The following MMS22L variants were observed in gnomAD, a reference collection of about 807,000 sequenced individuals.
The protein encoded by MMS22L is protein MMS22-like.
In MMS22L, 74 loss-of-function variants were observed where a neutral mutation model predicts 159.1. The observed-to-expected ratio is 0.47, with a 90% CI of 0.39 to 0.56. The LOEUF (loss-of-function observed/expected upper bound fraction) is 0.56, where lower values mean the gene tolerates loss of function less well. Ranked by LOEUF, MMS22L falls within the 20% of genes least tolerant of loss-of-function variation. The pLI is 0.00. For synonymous variants in MMS22L, 517 were observed against 506.9 expected (o/e 1.02, Z -0.27); for missense variants, 1,351 against 1,422.1 (o/e 0.95, Z 0.80).
chr6:97,156,804 C>A (rs976271486), intron 22 of MMS22L, among the ~76,000 whole-genome samples: 4 of 151,826 alleles, frequency 2.6e-5, no homozygotes, highest in Admixed American at 2.6e-4. Flanking sequence ...GCTATGCACA[C>A]TTTTTTTTGG....
intron 10 of MMS22L, among the ~76,000 whole-genome samples, chr6:97,249,725 ATT>A (rs66525517): frequency 1.6e-4 from 21 of 130,366 alleles, no homozygotes; most frequent in East Asian, 2.2e-4. Context: ...CCAATAACCA[ATT>A]TTTTTTTTTT....
intron 14 of MMS22L, among the ~76,000 whole-genome samples, chr6:97,210,172 T>C (rs1808225097): frequency 6.6e-6 from 1 of 151,860 alleles, no homozygotes; most frequent in African/African-American, 2.4e-5. Context: ...CTTTTGCTTT[T>C]TCCTAAAAAT....
rs141515763 is a variant in MMS22L, at chr6:97,251,248, T to C, written c.1119+3309A>G. ...CGTAAGAGGCAATCCTTAGGAGAAA[T>C]CTAATATCAAGTTTATCTAAGAGAT... On this transcript the variant is annotated intron_variant, in intron 10 of 24. Transcript: ENST00000683635. 8.7e-3 allele frequency among the ~76,000 whole-genome samples: 1,326 copies of C among 152,296 alleles called. 14 individuals carry two copies. The highest frequency in any genetic ancestry group is 0.013 in the Non-Finnish European group (873 of 68,012).
At chr6:97,155,881 T>C (rs1801783482) in intron 22 of MMS22L, among the ~76,000 whole-genome samples, 1 of 152,208 alleles carries the variant, frequency 6.6e-6, no homozygotes, top group Non-Finnish European at 1.5e-5. Flanking sequence ...ATGGTATTTC[T>C]AGTTCTAGAT....
chr6:97,150,435 T>A (rs1801206097), intron 23 of MMS22L, among the ~76,000 whole-genome samples: 1 of 152,168 alleles, frequency 6.6e-6, no homozygotes, highest in Non-Finnish European at 1.5e-5. Context: ...ACAATATTTT[T>A]ATGAGGAAAG....
intron 14 of MMS22L, among the ~76,000 whole-genome samples, chr6:97,215,114 A>ATATATATT (rs1209431095): frequency 1.1e-5 from 1 of 87,190 alleles, no homozygotes; most frequent in African/African-American, 3.5e-5. Flanking sequence ...ATATATATAT[A>ATATATATT]TTTTTTTTTT....
intron 4 of MMS22L, among the ~76,000 whole-genome samples, chr6:97,274,923 GAGAA>G (rs1816109346): frequency 6.6e-6 from 1 of 152,100 alleles, no homozygotes; most frequent in Non-Finnish European, 1.5e-5. Flanking sequence ...GACTACGCAC[GAGAA>G]AGAATTCTCA....
In MMS22L at chr6:97,243,576, T is replaced by C. The variant is rs554125237; in HGVS notation, c.1182+3052A>G. 5.3e-5 allele frequency among the ~76,000 whole-genome samples: 8 copies of C among 152,320 alleles called. No homozygotes were observed. In the South Asian group the frequency reaches 1.4e-3, roughly 28 times the overall value. On this transcript the variant is annotated intron_variant, in intron 11 of 24. Coordinates refer to ENST00000683635, the MANE Select transcript of MMS22L (RefSeq NM_001350599.2). ...TAAGAATCGACCTTTAGAACTCTTT[T>C]TCTAGTAATTCAGAGATTTCTTCTT...
At chr6:97,198,121 G>A (rs1020190124) in intron 14 of MMS22L, among the ~76,000 whole-genome samples, 33 of 152,088 alleles carry the variant, frequency 2.2e-4, no homozygotes, top group African/African-American at 7.7e-4. Flanking sequence ...TGTTTGCTGG[G>A]AATACTCACT....
chr6:97,282,968 A>G (rs1816907185), intron 1 of MMS22L, 128 bp downstream of exon 1: 1 of 152,396 alleles, frequency 6.6e-6, no homozygotes. Flanking sequence ...CGACCCTCCA[A>G]GGAGGAGGCG....
chr6:97,228,424 T>C (rs1810483325), intron 14 of MMS22L, among the ~76,000 whole-genome samples: 1 of 152,180 alleles, frequency 6.6e-6, no homozygotes, highest in African/African-American at 2.4e-5. Flanking sequence ...TGCCCCAAAA[T>C]TCAAAACTTT....
intron 6 of MMS22L, 190 bp from the exon 7 acceptor site, chr6:97,270,182 G>A (rs753835677): frequency 4.7e-6 from 3 of 637,400 alleles, no homozygotes; most frequent in Non-Finnish European, 8.4e-6. Context: ...TTGAAAGCAG[G>A]AAATATTTTC....
At chr6:97,217,414 C>A (rs1202982637) in intron 14 of MMS22L, among the ~76,000 whole-genome samples, 1 of 151,850 alleles carries the variant, frequency 6.6e-6, no homozygotes, top group South Asian at 2.1e-4. Flanking sequence ...CCACCACGCC[C>A]AGCTAATTTT....
chr6:97,259,295 G>C (rs1268136608), intron 9 of MMS22L: 1 of 152,108 alleles, frequency 6.6e-6, no homozygotes, highest in Non-Finnish European at 1.5e-5. Flanking sequence ...GTGTCAACTT[G>C]AACAGGCCAC....
At chr6:97,246,195 C>G (rs557326206) in intron 11 of MMS22L, 37 of 450,476 alleles carry the variant, frequency 8.2e-5, no homozygotes, top group South Asian at 5.4e-4. Flanking sequence ...AACGAATGGT[C>G]AGAAACTAGG....
At chr6:97,149,332 T>C (rs902275779) in intron 24 of MMS22L, among the ~76,000 whole-genome samples, 2 of 152,154 alleles carry the variant, frequency 1.3e-5, no homozygotes, top group Admixed American at 6.6e-5. Flanking sequence ...AGACTCTAAA[T>C]AGTCCAGCAC....
chr6:97,220,469 G>A (rs1809511913), intron 14 of MMS22L, among the ~76,000 whole-genome samples: 1 of 152,066 alleles, frequency 6.6e-6, no homozygotes, highest in Non-Finnish European at 1.5e-5. Context: ...AATTATATCT[G>A]AATAAAGCTA....
chr6:97,267,684 C>T (rs978785280), intron 8 of MMS22L, 188 bp downstream of exon 8: 14 of 374,544 alleles, frequency 3.7e-5, no homozygotes, highest in Non-Finnish European at 6.3e-5. Context: ...CTCTAAAATA[C>T]CAATTCCAGC....
At chr6:97,210,894 C>A (rs1019805740) in intron 14 of MMS22L, among the ~76,000 whole-genome samples, 5 of 151,872 alleles carry the variant, frequency 3.3e-5, no homozygotes, top group African/African-American at 1.2e-4. Context: ...GAGTAGTCTG[C>A]AGAATGTAAG....
Sources: gnomAD v4.1 joint callset for allele counts (sites outside exome capture counted in the v4.1 genomes callset) on GRCh38, gnomAD v4.1.1 for gene constraint, MANE v1.5 for transcripts, NCBI Gene and HGNC (gene_info 2026-07-23, HGNC 2026-07-21) for gene names.